The following MAP7 variants were observed in gnomAD, a reference collection of about 807,000 sequenced individuals.
MAP7 encodes the protein microtubule associated protein 7, also known as ensconsin.
In MAP7, 52 loss-of-function variants were observed where a neutral mutation model predicts 94.8. The ratio of observed to expected loss-of-function variants is 0.55; its 90% CI spans 0.44 to 0.69. The LOEUF (loss-of-function observed/expected upper bound fraction) is 0.69. Among genes scored for constraint, MAP7 ranks in the 30% least tolerant of loss-of-function variants. The pLI is 0.00. For synonymous variants in MAP7, 350 were observed against 357.0 expected, an observed-to-expected ratio of 0.98 and a Z score of 0.22; for missense variants, 940 against 964.6, an observed-to-expected ratio of 0.97 and a Z score of 0.34.
chr6:136,361,543 T>TA (rs1322855125), intron 11 of MAP7, among the ~76,000 whole-genome samples: 2 of 152,132 alleles, frequency 1.3e-5, no homozygotes, highest in Non-Finnish European at 2.9e-5. Context: ...TCTTTGTAAA[T>TA]AAATAAGGGT....
At chr6:136,412,413 C>T (rs1787775559) in intron 2 of MAP7, among the ~76,000 whole-genome samples, 1 of 151,762 alleles carries the variant, frequency 6.6e-6, no homozygotes, top group Non-Finnish European at 1.5e-5. Context: ...ATCTGACAAA[C>T]AAGACAAATA....
At chr6:136,514,964 G>C (rs1583115095) in intron 1 of MAP7, among the ~76,000 whole-genome samples, 1 of 152,188 alleles carries the variant, frequency 6.6e-6, no homozygotes, top group South Asian at 2.1e-4. Flanking sequence ...TTGACTCTCT[G>C]TCTATCAACG....
chr6:136,384,633 A>G (rs1778698492), intron 5 of MAP7, among the ~76,000 whole-genome samples: 1 of 151,956 alleles, frequency 6.6e-6, no homozygotes, highest in Non-Finnish European at 1.5e-5. Context: ...CTAGGCAGGC[A>G]TCACTACGCC....
chr6:136,526,667 A>T (rs1045310127), intron 1 of MAP7: 65 of 985,402 alleles, frequency 6.6e-5, no homozygotes, highest in Non-Finnish European at 7.2e-5. Context: ...GGATGGGAGG[A>T]GAAAGAGTTT....
chr6:136,421,015 T>G (rs1243769115), intron 2 of MAP7, among the ~76,000 whole-genome samples: 1 of 152,190 alleles, frequency 6.6e-6, no homozygotes, highest in Admixed American at 6.5e-5. Flanking sequence ...TGTCTCCTGT[T>G]ATCATACTGT....
At chr6:136,528,556 CA>C (rs1196026175) in intron 1 of MAP7, among the ~76,000 whole-genome samples, 4 of 151,792 alleles carry the variant, frequency 2.6e-5, no homozygotes, top group African/African-American at 4.8e-5. Flanking sequence ...AAAATAATAA[CA>C]AAAAAAACCC....
chr6:136,390,636 A>G lies in MAP7; in HGVS notation c.245-1119T>C, dbSNP rs541616389. ...CCACTGCACTCCAGCCTTGGACGAC[A>G]GAGTGAGACTCTGTCTCAAAAACAA... On this transcript the variant is annotated intron_variant, in intron 3 of 17. Coordinates refer to ENST00000354570, the MANE Select transcript of MAP7 (RefSeq NM_003980.6). Among the ~76,000 whole-genome samples, 3 of 152,332 alleles carry G rather than the reference A, an allele frequency of 2.0e-5. No individual in the cohort carries two copies. The South Asian group carries it at 6.2e-4, about 32-fold the overall frequency.
rs3799452 is a variant in MAP7 at position 136,508,849 on chromosome 6, G to A, written c.67+41493C>T. On this transcript the variant is annotated intron_variant, in intron 1 of 17. Transcript: ENST00000354570. ...TCTAATCTTGGAAGAAACCAAATCC[G>A]GGATGCTGGGAATGACTACATAGGT... Among the ~76,000 whole-genome samples the A allele has an allele frequency of 0.014, 2,059 of 152,198 alleles. 85 individuals are homozygous for A. The East Asian group carries it at 0.14, about 10-fold the overall frequency.
At chr6:136,411,552 T>C (rs1342080522) in intron 3 of MAP7, 68 bp downstream of exon 3, 1 of 1,333,064 alleles carries the variant, frequency 7.5e-7, no homozygotes, top group African/African-American at 1.5e-5. Flanking sequence ...CATAAAGGTA[T>C]GCAAAAGACC....
At chr6:136,526,972 C>T (rs776788855) in intron 1 of MAP7, among the ~76,000 whole-genome samples, 1 of 152,112 alleles carries the variant, frequency 6.6e-6, no homozygotes, top group Non-Finnish European at 1.5e-5. Flanking sequence ...TGGCTCCCAC[C>T]AGAGATCACA....
rs754662780 is a variant in MAP7, at chr6:136,550,370, GC to G, written c.38del (p.Gly13AlafsTer69). The G allele has an allele frequency of 1.3e-6, 2 of 1,529,396 alleles. No homozygotes were observed. Among genetic ancestry groups the G allele is most frequent in the East Asian group, 2.7e-5 (1 of 36,842 alleles). 94.7% of individuals were successfully genotyped at this position (1,529,396 alleles called of 1,614,324 possible). The stretch of plus-strand genomic sequence containing the variant: ...TTTCGCTTCGCACTGCGCCGTCGCC[GC>G]CCCTGTGGCCGTCGCCGCCAGCTCC... Reference protein sequence around the residue: ...ELGAGGDGHRGGDGAVRSETA... With the variant: ...ELGAGGDGHRXGDGAVRSETA... On this transcript the variant is annotated frameshift_variant, in exon 1 of 18. Coordinates refer to ENST00000354570, the MANE Select transcript of MAP7 (RefSeq NM_003980.6). LOFTEE classifies it high-confidence loss of function. The surrounding 1 kb of genome is among the most constrained non-coding windows in gnomAD (Gnocchi z 5.1).
chr6:136,401,596 A>G (rs1383937348), intron 3 of MAP7, among the ~76,000 whole-genome samples: 2 of 152,156 alleles, frequency 1.3e-5, no homozygotes, highest in African/African-American at 4.8e-5. Flanking sequence ...ACACTTGGAC[A>G]CAGGATAGGG....
intron 16 of MAP7, among the ~76,000 whole-genome samples, chr6:136,354,829 T>C (rs1370835568): frequency 3.3e-5 from 5 of 152,190 alleles, no homozygotes; most frequent in African/African-American, 9.6e-5. Context: ...ATTTTTCAGG[T>C]TCTTATATAA....
At chr6:136,493,979 A>C (rs1200124634) in intron 1 of MAP7, among the ~76,000 whole-genome samples, 2 of 152,226 alleles carry the variant, frequency 1.3e-5, no homozygotes, top group Non-Finnish European at 2.9e-5. Context: ...TCAGGTTATA[A>C]GTAATTACAA....
rs554375968 is a variant in MAP7, at chr6:136,463,997, G to A, written c.68-42198C>T. ...GGCCATACCACATGACCTTCATTGT[G>A]TATGTGGAAGGGGCTGCCCTCCTGC... On this transcript the variant is annotated intron_variant, in intron 1 of 17. Transcript: ENST00000354570. Among the ~76,000 whole-genome samples, 537 of 152,296 alleles carry A rather than the reference G, an allele frequency of 3.5e-3. 3 individuals carry two copies. Among genetic ancestry groups the A allele is most frequent in the African/African-American group, 0.012 (517 of 41,572 alleles).
At chr6:136,356,876 AT>A in intron 15 of MAP7, 82 bp from the exon 16 acceptor site, 1 of 1,081,098 alleles carries the variant, frequency 9.2e-7, no homozygotes, top group Non-Finnish European at 1.4e-6. Context: ...GAATGCCTTG[AT>A]TTATGTGCTG....
chr6:136,356,677 T>A lies in MAP7; in HGVS notation c.2015+15A>T. ...CAGTAATGTTTTACTTTAATGAATG[T>A]CAGTGAAAACTCACCTCTCCACTGT... On this transcript the variant is annotated intron_variant, in intron 16 of 17. Coordinates refer to ENST00000354570, the MANE Select transcript of MAP7 (RefSeq NM_003980.6). 1.3e-6 allele frequency: 2 copies of A among 1,592,782 alleles called. No individual in the cohort carries two copies. The highest frequency in any genetic ancestry group is 1.7e-6 in the Non-Finnish European group (2 of 1,160,730).
intron 1 of MAP7, among the ~76,000 whole-genome samples, chr6:136,537,101 G>C (rs554084209): frequency 2.2e-4 from 34 of 151,648 alleles, no homozygotes; most frequent in Non-Finnish European, 4.4e-4. Flanking sequence ...ATATGGTTTA[G>C]ATTTGTGTTG....
chr6:136,505,952 C>T (rs1821383949), intron 1 of MAP7, among the ~76,000 whole-genome samples: 1 of 152,032 alleles, frequency 6.6e-6, no homozygotes, highest in Non-Finnish European at 1.5e-5. Context: ...TTCAGAAAAC[C>T]TTTATAAACA....
Sources: allele counts gnomAD v4.1 joint callset (sites outside exome capture counted in the v4.1 genomes callset), GRCh38; gene constraint gnomAD v4.1.1; non-coding constraint Gnocchi (gnomAD v3.1); transcripts MANE v1.5; gene names NCBI Gene and HGNC (gene_info 2026-07-23, HGNC 2026-07-21).